Variants in CELF2 observed in about 807,000 individuals in gnomAD.
The protein encoded by CELF2 is CUG triplet repeat RNA-binding protein 2.
In CELF2, 8 loss-of-function variants were observed where a neutral mutation model predicts 62.6. The observed-to-expected ratio is 0.13, with a 90% CI of 0.07 to 0.23. The LOEUF is 0.23. Ranked by LOEUF, CELF2 falls within the 10% of genes least tolerant of loss-of-function variation. The probability of loss-of-function intolerance (pLI) is 1.00; values close to 1 mark genes in which losing one functional copy is unlikely to be tolerated. For missense variants in CELF2, 333 were observed against 671.0 expected (o/e 0.50, Z 5.56); for synonymous variants, 258 against 250.0 (o/e 1.03, Z -0.30).
At chr10:11,322,796 T>G (rs1376300410) in intron 11 of CELF2, among the ~76,000 whole-genome samples, 1 of 152,186 alleles carries the variant, frequency 6.6e-6, no homozygotes, top group Admixed American at 6.5e-5. Flanking sequence ...CATGCACAGG[T>G]GTTCAGACAA....
At position 11,275,134 on chromosome 10, in the gene CELF2, C is replaced by G. The variant is rs757358199; in HGVS notation, c.841+14C>G. On this transcript the variant is annotated intron_variant, in intron 8 of 12. Coordinates refer to ENST00000633077, the MANE Select transcript of CELF2 (RefSeq NM_001326342.2). ...AACAAATGGCAGGTAAGTCAGGAAG[C>G]ACGCCTCTCCTTTTGACCGTGCTAT... 4 of 1,613,870 alleles carry G rather than the reference C, an allele frequency of 2.5e-6. No homozygotes were observed. Among genetic ancestry groups the G allele is most frequent in the South Asian group, 1.1e-5 (1 of 91,082 alleles).
intron 8 of CELF2, among the ~76,000 whole-genome samples, chr10:11,278,967 C>T (rs567490272): frequency 3.9e-4 from 59 of 152,302 alleles, no homozygotes; most frequent in African/African-American, 1.4e-3. Flanking sequence ...GCTGGCAAAC[C>T]GTGCTCTGTG....
At chr10:11,188,051 G>C (rs1345623380) in intron 2 of CELF2, among the ~76,000 whole-genome samples, 1 of 152,092 alleles carries the variant, frequency 6.6e-6, no homozygotes, top group South Asian at 2.1e-4. Flanking sequence ...TTCACCTTTT[G>C]TGTGTCTTTC....
the CELF2 span, among the ~76,000 whole-genome samples, chr10:10,627,607 A>C: frequency 2.0e-5 from 3 of 152,166 alleles, no homozygotes; most frequent in Non-Finnish European, 2.9e-5. Flanking sequence ...TGATGATCTT[A>C]GGGGATGGTG....
chr10:10,812,884 G>T (rs1437375975), intron 1 of CELF2, among the ~76,000 whole-genome samples: 1 of 152,146 alleles, frequency 6.6e-6, no homozygotes, highest in Non-Finnish European at 1.5e-5. Context: ...ATCAGGCACT[G>T]CGTTTATCTG....
intron 1 of CELF2, among the ~76,000 whole-genome samples, chr10:11,022,899 T>C (rs2058565946): frequency 6.6e-6 from 1 of 152,240 alleles, no homozygotes; most frequent in Admixed American, 6.5e-5. Flanking sequence ...TCATAAATGT[T>C]AAGCAGTACT....
At position 10,889,794 on chromosome 10, in the gene CELF2, A is replaced by G. The variant is rs183976195; in HGVS notation, c.54-30170A>G. On this transcript the variant is annotated intron_variant, in intron 1 of 13. Transcript: ENST00000636488. ...GGGGAGCATAACACAAGAGTATTGC[A>G]TAGGAGAGTCTTCCAAAGTAGCACA... 3.8e-3 allele frequency among the ~76,000 whole-genome samples: 584 copies of G among 152,336 alleles called. 3 individuals are homozygous for G. The highest frequency in any genetic ancestry group is 6.9e-3 in the Admixed American group (106 of 15,306).
intron 1 of CELF2, among the ~76,000 whole-genome samples, chr10:11,052,601 TA>T (rs1286750524): frequency 1.3e-5 from 2 of 152,270 alleles, no homozygotes; most frequent in African/African-American, 2.4e-5. Flanking sequence ...AGGTAAACTA[TA>T]CCTTTCTTTA....
the CELF2 span, among the ~76,000 whole-genome samples, chr10:10,586,638 C>T: frequency 3.3e-5 from 5 of 152,152 alleles, no homozygotes; most frequent in Admixed American, 2.0e-4. Context: ...TAATCATGCT[C>T]ACTACCTGGG....
intron 1 of CELF2, among the ~76,000 whole-genome samples, chr10:11,140,586 A>G (rs1239148429): frequency 2.0e-5 from 3 of 152,158 alleles, no homozygotes; most frequent in Non-Finnish European, 2.9e-5. Flanking sequence ...AATTATGAAT[A>G]AGTTTTGGTA....
intron 3 of CELF2, among the ~76,000 whole-genome samples, chr10:11,232,313 A>G (rs1174861689): frequency 6.6e-6 from 1 of 152,168 alleles, no homozygotes; most frequent in Non-Finnish European, 1.5e-5. Context: ...CGGGGCTAAA[A>G]AATAGCTTCT....
At chr10:11,077,097 C>T (rs10795845) in intron 1 of CELF2, among the ~76,000 whole-genome samples, 39,183 of 151,988 alleles carry the variant, frequency 0.26, 5,327 homozygotes, top group Middle Eastern at 0.31. Context: ...AGTCCTTTGC[C>T]GTTTTGCAAA....
chr10:11,154,050 T>G (rs1012921928), intron 1 of CELF2, among the ~76,000 whole-genome samples: 5 of 152,236 alleles, frequency 3.3e-5, no homozygotes, highest in African/African-American at 1.2e-4. Context: ...TCATCTGTAT[T>G]CATTGTGCCA....
chr10:10,645,607 T>C, the CELF2 span, among the ~76,000 whole-genome samples: 1 of 152,130 alleles, frequency 6.6e-6, no homozygotes, highest in African/African-American at 2.4e-5. Context: ...GGAGCCATCA[T>C]TGCACCACCG....
intron 1 of CELF2, among the ~76,000 whole-genome samples, chr10:11,080,671 G>A (rs1422782417): frequency 1.3e-5 from 2 of 152,178 alleles, no homozygotes; most frequent in African/African-American, 2.4e-5. Flanking sequence ...ATATTGAAGG[G>A]CCTTTTCATT....
At chr10:10,628,860 A>T in the CELF2 span, among the ~76,000 whole-genome samples, 9 of 152,094 alleles carry the variant, frequency 5.9e-5, no homozygotes, top group South Asian at 2.1e-4. Context: ...AAAATAAATT[A>T]AAAAAAGACT....
chr10:10,464,074 A>G, the CELF2 span, among the ~76,000 whole-genome samples: 2 of 151,930 alleles, frequency 1.3e-5, no homozygotes, highest in Non-Finnish European at 2.9e-5. Flanking sequence ...TAGCTATTCT[A>G]TCTAATTGTG....
chr10:10,710,977 T>A, the CELF2 span, among the ~76,000 whole-genome samples: 10 of 152,222 alleles, frequency 6.6e-5, no homozygotes, highest in Non-Finnish European at 1.5e-4. Context: ...TAGTTTTTCC[T>A]TTATTCTTAA....
At chr10:10,489,979 C>G in the CELF2 span, among the ~76,000 whole-genome samples, 2 of 152,024 alleles carry the variant, frequency 1.3e-5, no homozygotes, top group African/African-American at 4.8e-5. Flanking sequence ...ATTCAGATGT[C>G]AGAAGGAAAG....
Sources: gnomAD v4.1 joint callset for allele counts (sites outside exome capture counted in the v4.1 genomes callset) on GRCh38, gnomAD v4.1.1 for gene constraint, MANE v1.5 for transcripts, NCBI Gene and HGNC (gene_info 2026-07-23, HGNC 2026-07-21) for gene names.